The following IKZF2 variants were observed in gnomAD, a reference collection of about 807,000 sequenced individuals.
IKZF2 encodes the protein zinc finger protein Helios.
A neutral mutation model predicts 49.2 loss-of-function variants in IKZF2; 15 were observed. The ratio of observed to expected loss-of-function variants is 0.30; its 90% CI spans 0.20 to 0.47. The LOEUF is 0.47. Among genes scored for constraint, IKZF2 ranks in the 20% least tolerant of loss-of-function variants. The pLI is 1.00. For missense variants in IKZF2, 567 were observed against 664.6 expected, an observed-to-expected ratio of 0.85 and a Z score of 1.61; for synonymous variants, 227 against 221.4, an observed-to-expected ratio of 1.03 and a Z score of -0.23.
chr2:213,022,273 G>A, intron 6 of IKZF2, 143 bp from the exon 7 acceptor site: 1 of 747,114 alleles, frequency 1.3e-6, no homozygotes, highest in East Asian at 3.1e-5. Context: ...TCCAATTTTG[G>A]TAAGAAAAGA....
intron 6 of IKZF2, among the ~76,000 whole-genome samples, chr2:213,023,213 C>T (rs74345598): frequency 0.012 from 1,758 of 152,214 alleles, 112 homozygotes; most frequent in Admixed American, 0.078. Context: ...AGATAGCATC[C>T]CTAACTCCAG....
At chr2:213,100,770 G>T (rs1019458318) in intron 4 of IKZF2, among the ~76,000 whole-genome samples, 3 of 151,940 alleles carry the variant, frequency 2.0e-5, no homozygotes, top group African/African-American at 7.2e-5. Context: ...GCTACTCTAG[G>T]TAGTATTTCT....
chr2:213,117,157 C>T (rs995902214), intron 4 of IKZF2, among the ~76,000 whole-genome samples: 4 of 152,090 alleles, frequency 2.6e-5, no homozygotes, highest in Non-Finnish European at 2.9e-5. Flanking sequence ...AAACTCCTGA[C>T]CCCAATAAAC....
intron 6 of IKZF2, among the ~76,000 whole-genome samples, chr2:213,034,630 C>T (rs1119376): frequency 0.51 from 76,816 of 152,044 alleles, 22,586 homozygotes; most frequent in East Asian, 0.77. Context: ...TTCAAGTTTG[C>T]CAGCCTGTAT....
chr2:213,102,842 G>T (rs1706870025), intron 4 of IKZF2, among the ~76,000 whole-genome samples: 1 of 152,018 alleles, frequency 6.6e-6, no homozygotes, highest in Non-Finnish European at 1.5e-5. Flanking sequence ...AAGCAAAACA[G>T]CAAGCATGAA....
intron 4 of IKZF2, among the ~76,000 whole-genome samples, chr2:213,083,551 CTTTTTTTT>C (rs35297007): frequency 3.2e-5 from 3 of 93,954 alleles, no homozygotes; most frequent in Admixed American, 1.4e-4. Context: ...ACCAGGCTAA[CTTTTTTTT>C]TTTTTTTTTT....
chr2:213,053,605 C>A (rs1262698040), intron 5 of IKZF2, among the ~76,000 whole-genome samples: 4 of 152,094 alleles, frequency 2.6e-5, no homozygotes, highest in Non-Finnish European at 4.4e-5. Context: ...GTACAAAATA[C>A]GGTGCTGAAA....
chr2:213,147,709 G>A lies in IKZF2; in HGVS notation c.138C>T (p.Ser46=), dbSNP rs1402512459. ...AAAAATCATAAAATGAAGACTTACTGCTTGTCATGTGACTTGGTGAGGCAT... is the reference window on the plus strand; with the variant it reads ...AAAAATCATAAAATGAAGACTTACTACTTGTCATGTGACTTGGTGAGGCAT... ...GQHASPSHMT[S]TNSVKLEMQS... is the part of the protein sequence containing the mutation. The change falls in exon 4 of 9, where the codon AGC becomes AGT. Residue 46 remains serine (S), a splice_region_variant and synonymous_variant. Coordinates refer to ENST00000434687, the MANE Select transcript of IKZF2 (RefSeq NM_001387220.1). 6.2e-7 allele frequency: 1 copy of A among 1,609,788 alleles called. No homozygotes were observed. The highest frequency in any genetic ancestry group is 1.3e-5 in the African/African-American group (1 of 74,848).
intron 4 of IKZF2, among the ~76,000 whole-genome samples, chr2:213,099,930 G>A (rs1448235497): frequency 1.3e-5 from 2 of 152,072 alleles, no homozygotes; most frequent in Non-Finnish European, 2.9e-5. Context: ...TACTGCTTTA[G>A]ATTCATTAAA....
At chr2:213,085,256 G>A (rs566146869) in intron 4 of IKZF2, among the ~76,000 whole-genome samples, 1 of 152,218 alleles carries the variant, frequency 6.6e-6, no homozygotes, top group Non-Finnish European at 1.5e-5. Flanking sequence ...GCACTAAAGA[G>A]CAATTAAATA....
At chr2:213,067,413 C>G (rs985017278) in intron 4 of IKZF2, among the ~76,000 whole-genome samples, 4 of 151,940 alleles carry the variant, frequency 2.6e-5, no homozygotes, top group Non-Finnish European at 5.9e-5. Context: ...AAGATAGGGG[C>G]AAGCATGAAG....
intron 6 of IKZF2, among the ~76,000 whole-genome samples, chr2:213,048,086 A>G (rs778375088): frequency 1.3e-5 from 2 of 152,150 alleles, no homozygotes; most frequent in Non-Finnish European, 2.9e-5. Flanking sequence ...AATTGGAAGC[A>G]TGATTGAATT....
intron 4 of IKZF2, among the ~76,000 whole-genome samples, chr2:213,141,264 AG>A (rs2060858568): frequency 6.6e-6 from 1 of 151,980 alleles, no homozygotes; most frequent in Non-Finnish European, 1.5e-5. Context: ...TCATTGAAAC[AG>A]CCTGTTAAAT....
chr2:213,151,318 C>T (rs2061274579), intron 1 of IKZF2, 95 bp downstream of exon 1: 1 of 152,144 alleles, frequency 6.6e-6, no homozygotes, highest in African/African-American at 2.4e-5. Flanking sequence ...ACACTCCCCC[C>T]TTTGCAAATC....
chr2:213,121,573 T>TA (rs1183059895), intron 4 of IKZF2, among the ~76,000 whole-genome samples: 1 of 152,232 alleles, frequency 6.6e-6, no homozygotes, highest in Non-Finnish European at 1.5e-5. Context: ...TGAGTTGCTA[T>TA]AAATACAAGG....
At chr2:213,077,715 G>A (rs1703432539) in intron 4 of IKZF2, among the ~76,000 whole-genome samples, 1 of 149,508 alleles carries the variant, frequency 6.7e-6, no homozygotes, top group African/African-American at 2.5e-5. Flanking sequence ...AGCCTCCCAA[G>A]TAGCTGGGAC....
In IKZF2 at chr2:213,001,516, C is replaced by A. The variant is rs1694903527; in HGVS notation, c.*5844G>T. 1 of 151,498 alleles carries A rather than the reference C, an allele frequency of 6.6e-6. No individual in the cohort carries two copies. The highest frequency in any genetic ancestry group is 1.5e-5 in the Non-Finnish European group (1 of 67,548). The allele number at this position is 151,498 out of a possible 1,614,324, so 9.4% of individuals were successfully genotyped here. A position where few individuals can be genotyped will look rare whatever the true frequency, so the allele number is the denominator to read the frequency against. ...GAAAGTGAAAGTAACATGAGGGTTACATAGCTTACTATTTTTAATCCAACC... is the reference window on the plus strand; with the variant it reads ...GAAAGTGAAAGTAACATGAGGGTTAAATAGCTTACTATTTTTAATCCAACC... On this transcript the variant is annotated 3_prime_UTR_variant, in exon 9 of 9. Transcript: ENST00000434687.
intron 4 of IKZF2, among the ~76,000 whole-genome samples, chr2:213,073,710 A>G (rs915520562): frequency 1.3e-5 from 2 of 152,244 alleles, no homozygotes; most frequent in Non-Finnish European, 2.9e-5. Context: ...TATGAATAAC[A>G]TAATTTTTGT....
intron 1 of IKZF2, 32 bp from the exon 2 acceptor site, chr2:213,150,279 T>C: frequency 1.2e-6 from 1 of 858,524 alleles, no homozygotes; most frequent in Non-Finnish European, 1.7e-6. Context: ...AAGAAAGAAG[T>C]TTTTTGTGTT....
Sources: allele counts gnomAD v4.1 joint callset (sites outside exome capture counted in the v4.1 genomes callset), GRCh38; gene constraint gnomAD v4.1.1; transcripts MANE v1.5; gene names NCBI Gene and HGNC (gene_info 2026-07-23, HGNC 2026-07-21).